Variants in RBFOX3 observed in about 807,000 individuals in gnomAD.
The protein encoded by RBFOX3 is RNA binding fox-1 homolog 3.
RBFOX3 carries 17 observed loss-of-function variants against 48.7 expected under a neutral mutation model. That is an observed-to-expected ratio of 0.35 (90% CI 0.24 to 0.52). The LOEUF is 0.52. Among genes scored for constraint, RBFOX3 ranks in the 20% least tolerant of loss-of-function variants. RBFOX3 has a pLI of 0.94. For synonymous variants in RBFOX3, 212 were observed against 209.5 expected, an observed-to-expected ratio of 1.01 and a Z score of -0.10; for missense variants, 382 against 497.5, an observed-to-expected ratio of 0.77 and a Z score of 2.21.
intron 2 of RBFOX3, among the ~76,000 whole-genome samples, chr17:79,316,297 C>A (rs1467550303): frequency 1.3e-5 from 2 of 152,184 alleles, no homozygotes; most frequent in African/African-American, 4.8e-5. Context: ...ACCCATGAAA[C>A]AAACAGAGAA....
chr17:79,419,901 C>G (rs943663376), intron 2 of RBFOX3, among the ~76,000 whole-genome samples: 6 of 152,108 alleles, frequency 3.9e-5, no homozygotes, highest in Admixed American at 1.3e-4. Flanking sequence ...CCGAGGCAGG[C>G]AGACTGCCTC....
intron 4 of RBFOX3, among the ~76,000 whole-genome samples, chr17:79,180,692 G>A (rs969777713): frequency 1.3e-5 from 2 of 151,898 alleles, no homozygotes; most frequent in African/African-American, 4.8e-5. Flanking sequence ...GTTCTGGACC[G>A]CCCCAGCTGT....
At chr17:79,097,168 G>A (rs1027472957) in intron 11 of RBFOX3, 124 bp downstream of exon 11, 4 of 846,080 alleles carry the variant, frequency 4.7e-6, no homozygotes, top group Non-Finnish European at 7.1e-6. Flanking sequence ...GGGCTCCCAC[G>A]ATCCTCCCCC....
Position 79,423,805 on chromosome 17 carries a change from GCT to G in RBFOX3, c.-175+58647_-175+58648del, listed in dbSNP as rs1408985922. On this transcript the variant is annotated intron_variant, in intron 2 of 14. Coordinates refer to ENST00000693108, the MANE Select transcript of RBFOX3 (RefSeq NM_001350451.2). This position sits in a 1 kb window ranked among gnomAD's most constrained non-coding sequence, Gnocchi z 4.9. ...TTGCAACTTCTCCATCGTCCACGAG[GCT>G]CTTGGTGACCCCATCCCGGATGCCC... 6.5e-6 allele frequency: 1 copy of G among 153,798 alleles called. No individual in the cohort carries two copies. Among genetic ancestry groups the G allele is most frequent in the Admixed American group, 6.5e-5 (1 of 15,278 alleles). The allele number at this position is 153,798 out of a possible 1,614,324, so 9.5% of individuals were successfully genotyped here. A position where few individuals can be genotyped will look rare whatever the true frequency, so the allele number is the denominator to read the frequency against.
rs1193779865 is a variant in RBFOX3 at position 79,421,287 on chromosome 17, C to T, written c.-175+61167G>A. Among the ~76,000 whole-genome samples, 7 of 152,178 alleles carry T rather than the reference C, an allele frequency of 4.6e-5. No homozygotes were observed. Among genetic ancestry groups the T allele is most frequent in the Admixed American group, 2.6e-4 (4 of 15,284 alleles). ...CGTGAGAACCATGACTGCTGGGCTC[C>T]GAGGTCCTCTAGCAAACAACCGGGC... On this transcript the variant is annotated intron_variant, in intron 2 of 14. Coordinates refer to ENST00000693108, the MANE Select transcript of RBFOX3 (RefSeq NM_001350451.2). The surrounding 1 kb of genome is among the most constrained non-coding windows in gnomAD (Gnocchi z 4.5).
chr17:79,124,728 G>A (rs1051031332), intron 4 of RBFOX3, among the ~76,000 whole-genome samples: 2 of 152,342 alleles, frequency 1.3e-5, no homozygotes, highest in East Asian at 3.9e-4. Flanking sequence ...TGCCAGGCCC[G>A]CTCTCCACCC....
At chr17:79,537,729 G>T (rs2089054037) in intron 1 of RBFOX3, among the ~76,000 whole-genome samples, 2 of 152,114 alleles carry the variant, frequency 1.3e-5, no homozygotes, top group African/African-American at 4.8e-5. Context: ...GTCCCCCAAG[G>T]CTCCCAGCTC....
chr17:79,621,855 G>T, the RBFOX3 span, among the ~76,000 whole-genome samples: 2 of 149,558 alleles, frequency 1.3e-5, no homozygotes, highest in African/African-American at 4.9e-5. Flanking sequence ...GCTCTCACCC[G>T]TGTGAAGACA....
chr17:79,350,871 C>T (rs953661613), intron 2 of RBFOX3, among the ~76,000 whole-genome samples: 7 of 152,322 alleles, frequency 4.6e-5, no homozygotes, highest in African/African-American at 1.7e-4. Flanking sequence ...CCTTCCAGTG[C>T]CCTGGCTGTC....
the RBFOX3 span, among the ~76,000 whole-genome samples, chr17:79,621,125 A>C: frequency 1.3e-5 from 2 of 151,916 alleles, no homozygotes; most frequent in Admixed American, 6.6e-5. Context: ...CAGCCTCCCA[A>C]GTAGCTGGGA....
chr17:79,384,728 C>A (rs2148013405), intron 2 of RBFOX3, among the ~76,000 whole-genome samples: 1 of 152,332 alleles, frequency 6.6e-6, no homozygotes, highest in South Asian at 2.1e-4. Flanking sequence ...CCAGCGCTGA[C>A]CCAGCTGGCG....
chr17:79,539,482 T>C (rs749458205), intron 1 of RBFOX3, among the ~76,000 whole-genome samples: 2 of 152,220 alleles, frequency 1.3e-5, no homozygotes, highest in African/African-American at 2.4e-5. Flanking sequence ...AAATTTAAGA[T>C]ACACATAACC....
intron 1 of RBFOX3, among the ~76,000 whole-genome samples, chr17:79,582,203 T>C (rs1209575113): frequency 4.0e-5 from 6 of 149,882 alleles, no homozygotes; most frequent in Non-Finnish European, 7.4e-5. Context: ...TGCCCGTGTA[T>C]GTGCCTGTGC....
intron 5 of RBFOX3, among the ~76,000 whole-genome samples, chr17:79,110,825 C>T (rs546834170): frequency 6.6e-6 from 1 of 152,252 alleles, no homozygotes; most frequent in African/African-American, 2.4e-5. Flanking sequence ...CCGACTGACG[C>T]CTCATCCACT....
At chr17:79,544,927 CAT>C (rs2090194066) in intron 1 of RBFOX3, among the ~76,000 whole-genome samples, 1 of 112,220 alleles carries the variant, frequency 8.9e-6, no homozygotes, top group African/African-American at 3.3e-5. Context: ...TAAAAAATAA[CAT>C]AAAATAAAAA....
At chr17:79,267,074 G>A (rs1455071697) in intron 3 of RBFOX3, among the ~76,000 whole-genome samples, 1 of 152,196 alleles carries the variant, frequency 6.6e-6, no homozygotes, top group Admixed American at 6.5e-5. Context: ...GGAAGTTAGG[G>A]TGGTCTTGTG....
chr17:79,603,676 A>G (rs2093760582), intron 1 of RBFOX3: 1 of 152,242 alleles, frequency 6.6e-6, no homozygotes, highest in African/African-American at 2.4e-5. Flanking sequence ...TTTGGAATCC[A>G]TTCCTTAACC....
chr17:79,665,133 C>T, the RBFOX3 span, among the ~76,000 whole-genome samples: 1 of 152,176 alleles, frequency 6.6e-6, no homozygotes, highest in Non-Finnish European at 1.5e-5. Flanking sequence ...CCTATGCAAG[C>T]CCCACACCCG....
chr17:79,170,513 G>A (rs1398411990), intron 4 of RBFOX3, among the ~76,000 whole-genome samples: 1 of 152,078 alleles, frequency 6.6e-6, no homozygotes, highest in Non-Finnish European at 1.5e-5. Context: ...GCAGGCTCAA[G>A]CATCCCATCC....
Sources: gnomAD v4.1 joint callset for allele counts (sites outside exome capture counted in the v4.1 genomes callset) on GRCh38, gnomAD v4.1.1 for gene constraint, Gnocchi (gnomAD v3.1) non-coding constraint, MANE v1.5 for transcripts, NCBI Gene and HGNC (gene_info 2026-07-23, HGNC 2026-07-21) for gene names.